HEXB: variants seen among roughly 807,000 people sequenced by gnomAD.
The protein encoded by HEXB is beta-hexosaminidase subunit beta.
In HEXB, 51 loss-of-function variants were observed where a neutral mutation model predicts 71.2. The observed-to-expected ratio is 0.72, with a 90% CI of 0.57 to 0.90. The LOEUF (loss-of-function observed/expected upper bound fraction) is 0.90, where lower values mean the gene tolerates loss of function less well. Among genes scored for constraint, HEXB ranks in the 40% least tolerant of loss-of-function variants. HEXB has a pLI of 0.00. For missense variants in HEXB, 617 were observed against 677.0 expected (o/e 0.91, Z 0.98); for synonymous variants, 266 against 249.3 (o/e 1.07, Z -0.63).
chr5:74,641,638 C>T lies in HEXB; in HGVS notation c.-377+1080C>T, dbSNP rs1249121396. On this transcript the variant is annotated intron_variant, in intron 1 of 13. Transcript: ENST00000511181. The surrounding 1 kb of genome is among the most constrained non-coding windows in gnomAD (Gnocchi z 4.1). ...AGTTTGGAGTTCAGTAAAGAAATGG[C>T]CCAGCACACACACACGTTTAATAGT... is the stretch of plus-strand genomic sequence containing the variant. 6.6e-6 allele frequency among the ~76,000 whole-genome samples: 1 copy of T among 152,194 alleles called. No individual in the cohort carries two copies. Among genetic ancestry groups the T allele is most frequent in the African/African-American group, 2.4e-5 (1 of 41,442 alleles).
At chr5:74,705,675 A>G (rs771687613) in intron 6 of HEXB, 3 of 253,790 alleles carry the variant, frequency 1.2e-5, no homozygotes, top group Non-Finnish European at 1.5e-5. Context: ...TTGGAAATCC[A>G]TAAATGACTA....
chr5:74,708,324 C>T (rs929788054), intron 6 of HEXB, among the ~76,000 whole-genome samples: 5 of 151,830 alleles, frequency 3.3e-5, no homozygotes, highest in African/African-American at 7.3e-5. Context: ...CAGTACCAGC[C>T]GCTGCAAAAT....
At chr5:74,661,563 G>GTCTC (rs371926437) in intron 1 of HEXB, among the ~76,000 whole-genome samples, 20 of 133,796 alleles carry the variant, frequency 1.5e-4, no homozygotes, top group African/African-American at 5.0e-4. Context: ...GTGTGTGTGT[G>GTCTC]TCTCTCTCTC....
chr5:74,688,255 AT>A (rs1300552911), intron 1 of HEXB, among the ~76,000 whole-genome samples: 1 of 149,936 alleles, frequency 6.7e-6, no homozygotes, highest in Non-Finnish European at 1.5e-5. Flanking sequence ...TAATATTAAT[AT>A]TTAATGCCTT....
upstream of HEXB, among the ~76,000 whole-genome samples, chr5:74,682,936 C>G (rs1401044366): frequency 1.3e-5 from 2 of 152,196 alleles, no homozygotes; most frequent in African/African-American, 2.4e-5. Flanking sequence ...GACATGGGAG[C>G]CTTCAGAATG....
At chr5:74,648,541 C>T (rs986979791) in intron 1 of HEXB, among the ~76,000 whole-genome samples, 1 of 147,368 alleles carries the variant, frequency 6.8e-6, no homozygotes, top group African/African-American at 2.6e-5. Flanking sequence ...AGTTATATTG[C>T]CCTTATACTG....
At chr5:74,714,732 T>C (rs770543053) in intron 7 of HEXB, among the ~76,000 whole-genome samples, 6 of 152,210 alleles carry the variant, frequency 3.9e-5, no homozygotes, top group African/African-American at 1.4e-4. Flanking sequence ...AATTAAATAA[T>C]GTAAAGCACA....
intron 6 of HEXB, among the ~76,000 whole-genome samples, chr5:74,709,851 C>A (rs567383604): frequency 6.6e-6 from 1 of 152,210 alleles, no homozygotes; most frequent in Non-Finnish European, 1.5e-5. Flanking sequence ...CGAATTCTAC[C>A]AGAGGTACAA....
intron 7 of HEXB, among the ~76,000 whole-genome samples, chr5:74,714,538 G>A (rs1316904748): frequency 6.6e-6 from 1 of 152,178 alleles, no homozygotes; most frequent in Non-Finnish European, 1.5e-5. Flanking sequence ...GTAGAGTGTA[G>A]CAGAGTAGGA....
intron 1 of HEXB, 93 bp downstream of exon 1, chr5:74,685,652 G>A (rs1748851020): frequency 1.7e-6 from 2 of 1,207,122 alleles, no homozygotes; most frequent in Non-Finnish European, 2.3e-6. Context: ...ACCCCACTGC[G>A]CAGACGAGAA....
intron 1 of HEXB, among the ~76,000 whole-genome samples, chr5:74,675,520 G>A (rs1748614842): frequency 6.6e-6 from 1 of 152,184 alleles, no homozygotes; most frequent in Admixed American, 6.5e-5. Context: ...TTGCTATTAT[G>A]TGAGGCCATT....
At chr5:74,666,856 T>C (rs1287984694) in intron 1 of HEXB, among the ~76,000 whole-genome samples, 1 of 151,956 alleles carries the variant, frequency 6.6e-6, no homozygotes, top group Non-Finnish European at 1.5e-5. Flanking sequence ...CACATATATA[T>C]AGGGAAAAGC....
In HEXB at chr5:74,685,284, GCCCC is replaced by G; in HGVS notation, c.25_28del (p.Pro9GlyfsTer21). 1 of 1,546,892 alleles carries G rather than the reference GCCCC, an allele frequency of 6.5e-7. No individual in the cohort carries two copies. The highest frequency in any genetic ancestry group is 8.7e-7 in the Non-Finnish European group (1 of 1,151,418). ...CCATGGAGCTGTGCGGGCTGGGGCT[GCCCC>G]GGCCGCCCATGCTGCTGGCGCTGCT... On this transcript the variant is annotated frameshift_variant, in exon 1 of 14. Coordinates refer to ENST00000261416, the MANE Select transcript of HEXB (RefSeq NM_000521.4). LOFTEE classifies it high-confidence loss of function.
chr5:74,692,591 GTGGTTATCTAA>G (rs1749027981), intron 2 of HEXB, among the ~76,000 whole-genome samples: 1 of 152,208 alleles, frequency 6.6e-6, no homozygotes, highest in South Asian at 2.1e-4. Context: ...CTAATGGAGT[GTGGTTATCTAA>G]TGGAAAAGGC....
In HEXB at chr5:74,714,794, G is replaced by A. The variant is rs75129233; in HGVS notation, c.902-716G>A. Among the ~76,000 whole-genome samples, 553 of 152,298 alleles carry A rather than the reference G, an allele frequency of 3.6e-3. 2 individuals are homozygous for A. Among genetic ancestry groups the A allele is most frequent in the African/African-American group, 0.013 (533 of 41,554 alleles). ...GCTCAATATTATTAGAGTAGACATG[G>A]GGAATAGTGAGAGGTAAATCTGGAA... On this transcript the variant is annotated intron_variant, in intron 7 of 13. Coordinates refer to ENST00000261416, the MANE Select transcript of HEXB (RefSeq NM_000521.4).
chr5:74,669,090 G>A (rs1748487320), intron 1 of HEXB, among the ~76,000 whole-genome samples: 1 of 152,032 alleles, frequency 6.6e-6, no homozygotes, highest in Admixed American at 6.6e-5. Flanking sequence ...TAGCTGGGAT[G>A]ACAGGAGCAC....
chr5:74,714,372 C>T (rs551836767), intron 7 of HEXB, among the ~76,000 whole-genome samples: 44 of 152,232 alleles, frequency 2.9e-4, no homozygotes, highest in African/African-American at 1.0e-3. Context: ...AAAAGTAGAA[C>T]ATGATAAGTG....
chr5:74,670,074 T>C (rs766125275), intron 1 of HEXB, among the ~76,000 whole-genome samples: 1 of 152,112 alleles, frequency 6.6e-6, no homozygotes, highest in Non-Finnish European at 1.5e-5. Context: ...AAGGTACTAG[T>C]CTTGCATAAA....
intron 1 of HEXB, among the ~76,000 whole-genome samples, chr5:74,646,978 G>C (rs533952769): frequency 6.6e-6 from 1 of 152,288 alleles, no homozygotes; most frequent in Non-Finnish European, 1.5e-5. Context: ...TTTAGAAGAA[G>C]GTAGCCCTGC....
Sources: allele counts gnomAD v4.1 joint callset (sites outside exome capture counted in the v4.1 genomes callset), GRCh38; gene constraint gnomAD v4.1.1; non-coding constraint Gnocchi (gnomAD v3.1); transcripts MANE v1.5; gene names NCBI Gene and HGNC (gene_info 2026-07-23, HGNC 2026-07-21).